Variants in HEMK2 observed in about 807,000 individuals in gnomAD.
HEMK2 encodes methyltransferase HEMK2.
chr21:28,879,987 T>A, the HEMK2 span: 1 of 1,399,568 alleles, frequency 7.1e-7, no homozygotes. Flanking sequence ...GAATTTTACA[T>A]TAAACTCTGA....
chr21:28,664,467 T>C, the HEMK2 span, among the ~76,000 whole-genome samples: 70 of 152,314 alleles, frequency 4.6e-4, no homozygotes, highest in African/African-American at 1.6e-3. Context: ...TTCTTCTTTC[T>C]CTACCTTCAC....
the HEMK2 span, among the ~76,000 whole-genome samples, chr21:28,582,244 G>A: frequency 6.6e-6 from 1 of 152,102 alleles, no homozygotes; most frequent in African/African-American, 2.4e-5. Context: ...TATTAGTCTC[G>A]CTTTGTTCCA....
At chr21:28,765,552 A>C in the HEMK2 span, among the ~76,000 whole-genome samples, 2 of 152,150 alleles carry the variant, frequency 1.3e-5, no homozygotes, top group African/African-American at 4.8e-5. Context: ...CTTTTAAACC[A>C]ATAAACCATG....
At chr21:28,772,278 T>C in the HEMK2 span, among the ~76,000 whole-genome samples, 1 of 152,218 alleles carries the variant, frequency 6.6e-6, no homozygotes, top group Non-Finnish European at 1.5e-5. Context: ...CATCTTTGTT[T>C]ACATTACAGG....
chr21:28,841,293 T>TTATATATTATATATAATATATAA, the HEMK2 span, among the ~76,000 whole-genome samples: 4 of 6,790 alleles, frequency 5.9e-4, no homozygotes, highest in Non-Finnish European at 8.4e-4. Flanking sequence ...ATAATATATA[T>TTATATATTATATATAATATATAA]TATATATTAT....
At chr21:28,827,796 T>C in the HEMK2 span, among the ~76,000 whole-genome samples, 5 of 152,234 alleles carry the variant, frequency 3.3e-5, no homozygotes, top group East Asian at 1.9e-4. Context: ...TTACAAGAAA[T>C]TGCATGCTGC....
the HEMK2 span, among the ~76,000 whole-genome samples, chr21:28,694,946 C>T: frequency 2.0e-5 from 3 of 149,972 alleles, no homozygotes; most frequent in South Asian, 2.1e-4. Context: ...TGCAGTGAGC[C>T]GAGATGGGGT....
the HEMK2 span, among the ~76,000 whole-genome samples, chr21:28,720,375 G>A: frequency 1.3e-5 from 2 of 152,154 alleles, no homozygotes; most frequent in Non-Finnish European, 2.9e-5. Context: ...AGAATCAACT[G>A]AACTGCATCA....
chr21:28,857,770 T>C, the HEMK2 span, among the ~76,000 whole-genome samples: 1 of 152,180 alleles, frequency 6.6e-6, no homozygotes, highest in Non-Finnish European at 1.5e-5. Context: ...ATTTCCCTCC[T>C]TTAGGGAAAG....
the HEMK2 span, among the ~76,000 whole-genome samples, chr21:28,717,172 T>C: frequency 6.6e-6 from 1 of 152,200 alleles, no homozygotes; most frequent in African/African-American, 2.4e-5. Context: ...TTTTTTGGAA[T>C]AGTTTCAGTA....
At chr21:28,698,916 G>A in the HEMK2 span, among the ~76,000 whole-genome samples, 2 of 152,158 alleles carry the variant, frequency 1.3e-5, no homozygotes, top group African/African-American at 4.8e-5. Flanking sequence ...CCCCACATGG[G>A]TGGCGAATGA....
the HEMK2 span, among the ~76,000 whole-genome samples, chr21:28,625,440 A>T: frequency 6.6e-6 from 1 of 152,126 alleles, no homozygotes; most frequent in Admixed American, 6.6e-5. Flanking sequence ...GTTCAAAGAG[A>T]TTATTTTTGG....
the HEMK2 span, among the ~76,000 whole-genome samples, chr21:28,620,865 G>C: frequency 6.6e-6 from 1 of 151,252 alleles, no homozygotes; most frequent in South Asian, 2.1e-4. Context: ...GTAGAGACAG[G>C]GTTTCACCAT....
At chr21:28,749,069 C>T in the HEMK2 span, among the ~76,000 whole-genome samples, 5 of 152,152 alleles carry the variant, frequency 3.3e-5, no homozygotes, top group Non-Finnish European at 7.3e-5. Context: ...TGGTGAGCTG[C>T]ATTCTGCTGT....
the HEMK2 span, among the ~76,000 whole-genome samples, chr21:28,827,300 A>G: frequency 2.6e-5 from 4 of 152,190 alleles, no homozygotes; most frequent in Non-Finnish European, 4.4e-5. Context: ...CCAGCCTTGT[A>G]TTATTCTCAG....
At chr21:28,761,979 T>C in the HEMK2 span, among the ~76,000 whole-genome samples, 68 of 152,242 alleles carry the variant, frequency 4.5e-4, no homozygotes, top group African/African-American at 1.6e-3. Context: ...TACTTCCAAA[T>C]GTGTTTCCAG....
chr21:28,646,640 T>A, the HEMK2 span, among the ~76,000 whole-genome samples: 1 of 152,190 alleles, frequency 6.6e-6, no homozygotes, highest in Non-Finnish European at 1.5e-5. Context: ...ATAGCATCAG[T>A]CAGGTGGCAG....
chr21:28,666,465 C>T, the HEMK2 span, among the ~76,000 whole-genome samples: 1 of 152,202 alleles, frequency 6.6e-6, no homozygotes, highest in Non-Finnish European at 1.5e-5. Flanking sequence ...AAAATATACA[C>T]TTCTGGCAAT....
chr21:28,857,454 CTT>C, the HEMK2 span, among the ~76,000 whole-genome samples: 1 of 151,762 alleles, frequency 6.6e-6, no homozygotes, highest in African/African-American at 2.4e-5. Context: ...TTCTGTATAA[CTT>C]TTTTTTGCTT....
Sources: gnomAD v4.1 joint callset for allele counts (sites outside exome capture counted in the v4.1 genomes callset) on GRCh38, gnomAD v4.1.1 for gene constraint, MANE v1.5 for transcripts, NCBI Gene and HGNC (gene_info 2026-07-23, HGNC 2026-07-21) for gene names.